SCAF11: variants seen among roughly 807,000 people sequenced by gnomAD.
SCAF11 encodes the protein SR-related CTD associated factor 11.
In SCAF11, 47 loss-of-function variants were observed where a neutral mutation model predicts 140.5. The ratio of observed to expected loss-of-function variants is 0.33; its 90% CI spans 0.26 to 0.43. The LOEUF (loss-of-function observed/expected upper bound fraction) is 0.43, where lower values mean the gene tolerates loss of function less well. SCAF11 is among the 20% of genes least tolerant of loss of function. The probability of loss-of-function intolerance (pLI) is 1.00; values close to 1 mark genes in which losing one functional copy is unlikely to be tolerated. For synonymous variants in SCAF11, 557 were observed against 579.4 expected, an observed-to-expected ratio of 0.96 and a Z score of 0.55; for missense variants, 1,645 against 1,705.1, an observed-to-expected ratio of 0.96 and a Z score of 0.62.
rs769352747 is a variant in SCAF11, at chr12:45,924,980, T to C, written c.3654A>G (p.Gln1218=). The change falls in exon 12 of 15, where the codon CAA becomes CAG. Residue 1218 remains glutamine, a synonymous_variant. Transcript: ENST00000369367. ...TCATAGGCTGGTGTTGTGCATTCAT[T>C]TGTTGCTGCATTACATTCATTTGCG... The part of the protein sequence containing the change: ...MQPQMNVMQQ[Q]MNAQHQPMNI... 1.9e-6 allele frequency: 3 copies of C among 1,614,062 alleles called. No individual in the cohort carries two copies. In the African/African-American group the frequency reaches 4.0e-5, roughly 22 times the overall value.
chr12:45,947,166 C>A (rs1945441272), intron 5 of SCAF11, among the ~76,000 whole-genome samples: 1 of 152,158 alleles, frequency 6.6e-6, no homozygotes, highest in South Asian at 2.1e-4. Flanking sequence ...AATCTGACAA[C>A]ATATTGACTT....
At chr12:45,988,419 T>C (rs1214791222) in intron 1 of SCAF11, among the ~76,000 whole-genome samples, 2 of 152,188 alleles carry the variant, frequency 1.3e-5, no homozygotes, top group African/African-American at 4.8e-5. Flanking sequence ...ATCAACAGTA[T>C]CATGTAACTG....
At chr12:45,981,831 C>T (rs1265198883) in intron 1 of SCAF11, among the ~76,000 whole-genome samples, 1 of 152,028 alleles carries the variant, frequency 6.6e-6, no homozygotes, top group Non-Finnish European at 1.5e-5. Flanking sequence ...AATAGAGGAA[C>T]AAACATTATT....
chr12:45,931,598 G>C lies in SCAF11; in HGVS notation c.749C>G (p.Pro250Arg). 1 of 1,507,510 alleles carries C rather than the reference G, an allele frequency of 6.6e-7. No individual in the cohort carries two copies. Among genetic ancestry groups the C allele is most frequent in the Non-Finnish European group, 8.8e-7 (1 of 1,133,972 alleles). 93.4% of individuals were successfully genotyped at this position (1,507,510 alleles called of 1,614,324 possible). A position where few individuals can be genotyped will look rare whatever the true frequency, so the allele number is the denominator to read the frequency against. ...AAGGACTTCTGTTTCAACATTCCAGGGTATAAAACCAATTCTGAAAACATA... is the reference window on the plus strand; with the variant it reads ...AAGGACTTCTGTTTCAACATTCCAGCGTATAAAACCAATTCTGAAAACATA... Reference protein sequence around the residue: ...LPGIGRIGFIPWNVETEVLPL... With the variant: ...LPGIGRIGFIRWNVETEVLPL... Residue 250 changes from proline to arginine, a missense_variant, in exon 10 of 15, where the codon CCC becomes CGC. Around this residue, in one of 2 missense-constraint regions of SCAF11, gnomAD observed 1,582 missense variants for 1,609.2 expected, o/e 0.98. Transcript: ENST00000369367.
At chr12:45,974,291 A>C (rs1946183344) in intron 1 of SCAF11, 1 of 463,760 alleles carries the variant, frequency 2.2e-6, no homozygotes, top group African/African-American at 2.0e-5. Context: ...GTTGCTGACT[A>C]ATCACAGGAT....
intron 10 of SCAF11, chr12:45,929,097 A>AG (rs1036827049): frequency 3.7e-5 from 10 of 271,542 alleles, no homozygotes; most frequent in Non-Finnish European, 6.5e-5. Context: ...AATTTTATAG[A>AG]GAAAAAAAAA....
intron 1 of SCAF11, among the ~76,000 whole-genome samples, chr12:45,967,530 G>A (rs1945980116): frequency 6.6e-6 from 1 of 152,184 alleles, no homozygotes; most frequent in African/African-American, 2.4e-5. Flanking sequence ...TATAATGCCA[G>A]CTACAAGGGA....
At chr12:45,957,112 TTTATAAA>T (rs1405026998) in intron 3 of SCAF11, among the ~76,000 whole-genome samples, 1 of 152,202 alleles carries the variant, frequency 6.6e-6, no homozygotes, top group Non-Finnish European at 1.5e-5. Flanking sequence ...CTGACAATAC[TTTATAAA>T]TTATAAATGA....
chr12:45,922,093 C>A lies in SCAF11; in HGVS notation c.4347G>T (p.Lys1449Asn), dbSNP rs1490761574. 6.2e-7 allele frequency: 1 copy of A among 1,613,582 alleles called. No homozygotes were observed. Among genetic ancestry groups the A allele is most frequent in the Non-Finnish European group, 8.5e-7 (1 of 1,179,870 alleles). ...KYKYSRKGSQKKTLEEPVSTE... is the reference protein window; with the variant it reads ...KYKYSRKGSQNKTLEEPVSTE... The stretch of plus-strand genomic sequence containing the variant: ...TAGACACAGGTTCTTCCAGAGTTTT[C>A]TTTTGGCTCCCCTTCCGTGAATATT... The change falls in exon 15 of 15, where the codon AAG becomes AAT. Residue 1449 changes from lysine to asparagine, a missense_variant. Physicochemically the swap from Lys to Asn is moderately conservative, Grantham distance 94. Coordinates refer to ENST00000369367, the MANE Select transcript of SCAF11 (RefSeq NM_004719.3).
At chr12:45,944,446 T>C (rs554932390) in intron 6 of SCAF11, among the ~76,000 whole-genome samples, 9 of 152,334 alleles carry the variant, frequency 5.9e-5, no homozygotes, top group African/African-American at 1.7e-4. Flanking sequence ...TTGGTATTCA[T>C]AGTGCATAAA....
intron 1 of SCAF11, chr12:45,974,113 G>A (rs1946177684): frequency 4.4e-6 from 2 of 453,936 alleles, no homozygotes; most frequent in Admixed American, 2.5e-5. Flanking sequence ...TAGTATATAT[G>A]TTTATATTAT....
chr12:45,982,534 G>A (rs548575425), intron 1 of SCAF11, among the ~76,000 whole-genome samples: 30 of 152,032 alleles, frequency 2.0e-4, no homozygotes, highest in Non-Finnish European at 2.6e-4. Context: ...TGGTGAAACC[G>A]TTTCTACTAA....
At chr12:45,967,414 C>A (rs549174611) in intron 1 of SCAF11, among the ~76,000 whole-genome samples, 5 of 152,076 alleles carry the variant, frequency 3.3e-5, no homozygotes, top group Non-Finnish European at 5.9e-5. Context: ...GAGGCTGAGG[C>A]GGGAGGAGCG....
chr12:45,924,875 T>G lies in SCAF11; in HGVS notation c.3759A>C (p.Leu1253=), dbSNP rs1384529914. The G allele has an allele frequency of 6.2e-7, 1 of 1,614,028 alleles. No individual in the cohort carries two copies. Among genetic ancestry groups the G allele is most frequent in the East Asian group, 2.2e-5 (1 of 44,872 alleles). The change falls in exon 12 of 15, where the codon CTA becomes CTC. Residue 1253 remains leucine (L), a synonymous_variant. Coordinates refer to ENST00000369367, the MANE Select transcript of SCAF11 (RefSeq NM_004719.3). ...QRNPFNIHPQ[L]PLHLHTGVPL... is the part of the protein sequence containing the mutation. ...GCACTCCTGTGTGGAGATGCAAGGG[T>G]AGCTGAGGATGAATGTTAAATGGAT...
intron 1 of SCAF11, among the ~76,000 whole-genome samples, chr12:45,982,476 G>T (rs1032769531): frequency 6.6e-6 from 1 of 152,168 alleles, no homozygotes; most frequent in African/African-American, 2.4e-5. Context: ...GGAGGCCAAG[G>T]CGGGCAGATC....
rs1174903923 is a variant in SCAF11, at chr12:45,940,763, G to T, written c.463+4486C>A. The stretch of plus-strand genomic sequence containing the variant: ...ATCTCAATGAAAAAAACTTTTAATT[G>T]TGTCTACTTGCATAGCAATCTTCCT... On this transcript the variant is annotated intron_variant, in intron 6 of 14. Coordinates refer to ENST00000369367, the MANE Select transcript of SCAF11 (RefSeq NM_004719.3). 2.6e-5 allele frequency among the ~76,000 whole-genome samples: 4 copies of T among 152,072 alleles called. No individual in the cohort carries two copies. The East Asian group carries it at 7.7e-4, about 29-fold the overall frequency.
At chr12:45,933,556 T>C (rs536463479) in intron 8 of SCAF11, among the ~76,000 whole-genome samples, 12 of 152,228 alleles carry the variant, frequency 7.9e-5, no homozygotes, top group African/African-American at 2.6e-4. Flanking sequence ...CTAGGTGCAA[T>C]AGTTTCCTAC....
intron 3 of SCAF11, among the ~76,000 whole-genome samples, chr12:45,959,283 AAG>A (rs1945769298): frequency 6.6e-6 from 1 of 152,166 alleles, no homozygotes; most frequent in Non-Finnish European, 1.5e-5. Flanking sequence ...AAAAAAAAAA[AAG>A]AAGTGAACAT....
intron 1 of SCAF11, among the ~76,000 whole-genome samples, chr12:45,980,295 C>T (rs895892134): frequency 2.0e-5 from 3 of 152,118 alleles, no homozygotes; most frequent in African/African-American, 7.2e-5. Context: ...AGCTTTTAAC[C>T]TGCCTTCTTT....
Sources: gnomAD v4.1 joint callset for allele counts (sites outside exome capture counted in the v4.1 genomes callset) on GRCh38, gnomAD v4.1.1 for gene constraint, gnomAD v4.1.1 regional missense constraint, MANE v1.5 for transcripts, NCBI Gene and HGNC (gene_info 2026-07-23, HGNC 2026-07-21) for gene names.